DYNC2I1: variants seen among roughly 807,000 people sequenced by gnomAD.
DYNC2I1 encodes the protein cytoplasmic dynein 2 intermediate chain 1.
A neutral mutation model predicts 133.4 loss-of-function variants in DYNC2I1; 89 were observed. The observed-to-expected ratio is 0.67, with a 90% CI of 0.56 to 0.80. The LOEUF (loss-of-function observed/expected upper bound fraction) is 0.80, where lower values mean the gene tolerates loss of function less well. DYNC2I1 is among the 30% of genes least tolerant of loss of function. The probability of loss-of-function intolerance (pLI) is 0.00; values close to 1 mark genes in which losing one functional copy is unlikely to be tolerated. For synonymous variants in DYNC2I1, 504 were observed against 484.3 expected (o/e 1.04, Z -0.54); for missense variants, 1,291 against 1,314.5 (o/e 0.98, Z 0.28).
rs145684517 is a variant in DYNC2I1 at position 158,937,352 on chromosome 7, C to T, written c.2778+2803C>T. 9.9e-3 allele frequency among the ~76,000 whole-genome samples: 1,506 copies of T among 152,252 alleles called. 29 individuals carry two copies. Among genetic ancestry groups the T allele is most frequent in the African/African-American group, 0.034 (1,405 of 41,548 alleles). Reference sequence around the variant, plus strand: ...TAGAAAATACACAATCAATGCTGGGCGCGGTGGCTCACGCCTATAATCCCA... The same window carrying T: ...TAGAAAATACACAATCAATGCTGGGTGCGGTGGCTCACGCCTATAATCCCA... On this transcript the variant is annotated intron_variant, in intron 23 of 24. Coordinates refer to ENST00000407559, the MANE Select transcript of DYNC2I1 (RefSeq NM_018051.5).
chr7:158,891,586 A>G (rs1399855324), intron 8 of DYNC2I1, among the ~76,000 whole-genome samples: 1 of 152,272 alleles, frequency 6.6e-6, no homozygotes, highest in Admixed American at 6.5e-5. Flanking sequence ...GCACACCGTC[A>G]GGTACTTGAG....
Position 158,873,943 on chromosome 7 carries a change from C to T in DYNC2I1, c.490+2381C>T, listed in dbSNP as rs373019161. Among the ~76,000 whole-genome samples, 187 of 152,060 alleles carry T rather than the reference C, an allele frequency of 1.2e-3. 7 individuals carry two copies. The South Asian group carries it at 0.035, about 29-fold the overall frequency. On this transcript the variant is annotated intron_variant, in intron 3 of 24. Transcript: ENST00000407559. ...GGCTAATTTTTTGTATTTTTAGCAG[C>T]GACGGGGGTTTCACCATGTTGGCCA...
At chr7:158,913,370 G>A (rs781236086) in intron 13 of DYNC2I1, among the ~76,000 whole-genome samples, 23 of 152,188 alleles carry the variant, frequency 1.5e-4, no homozygotes, top group Non-Finnish European at 3.2e-4. Context: ...TGTAGAGGGA[G>A]AGATTCCACA....
rs997119231 is a variant in DYNC2I1, at chr7:158,880,098, A to G, written c.879+109A>G. On this transcript the variant is annotated intron_variant, in intron 5 of 24. Transcript: ENST00000407559. ...ACAAGGTTGAGATTTGTGGCCTAGT[A>G]GTAGTAATTTAGGAAAAACGCAACT... is the stretch of plus-strand genomic sequence containing the variant. 5.3e-6 allele frequency: 7 copies of G among 1,308,992 alleles called. No individual in the cohort carries two copies. The African/African-American group carries it at 7.5e-5, about 14-fold the overall frequency. 81.1% of individuals were successfully genotyped at this position (1,308,992 alleles called of 1,614,324 possible).
At chr7:158,867,884 C>A (rs751058649) in intron 1 of DYNC2I1, among the ~76,000 whole-genome samples, 1 of 152,132 alleles carries the variant, frequency 6.6e-6, no homozygotes, top group Non-Finnish European at 1.5e-5. Context: ...GCCTCCACCC[C>A]GTCCTCCTCA....
chr7:158,852,746 AT>A (rs1454214579), upstream of DYNC2I1, among the ~76,000 whole-genome samples: 9 of 152,334 alleles, frequency 5.9e-5, no homozygotes, highest in African/African-American at 1.9e-4. Flanking sequence ...TCTCAAAAAA[AT>A]AAAAATAAAA....
At chr7:158,844,253 T>C in the DYNC2I1 span, among the ~76,000 whole-genome samples, 1 of 152,200 alleles carries the variant, frequency 6.6e-6, no homozygotes, top group Non-Finnish European at 1.5e-5. Flanking sequence ...GGAATACTTG[T>C]CTTAACGTTT....
intron 8 of DYNC2I1, among the ~76,000 whole-genome samples, chr7:158,894,723 G>T (rs2065779938): frequency 6.6e-6 from 1 of 152,214 alleles, no homozygotes; most frequent in Non-Finnish European, 1.5e-5. Context: ...TGTGATTGCT[G>T]GATCATATGA....
intron 1 of DYNC2I1, among the ~76,000 whole-genome samples, chr7:158,865,128 TG>T (rs1023501372): frequency 6.6e-6 from 1 of 152,222 alleles, no homozygotes; most frequent in African/African-American, 2.4e-5. Flanking sequence ...GCTTTCCATC[TG>T]GGCTGTGAGT....
At chr7:158,883,686 C>T (rs112669448) in intron 5 of DYNC2I1, among the ~76,000 whole-genome samples, 17,384 of 110,104 alleles carry the variant, frequency 0.16, 1,469 homozygotes, top group Middle Eastern at 0.29. Flanking sequence ...TTTTTTGAGA[C>T]GGAGTCTTGC....
At position 158,913,446 on chromosome 7, in the gene DYNC2I1, A is replaced by T. The variant is rs569189685; in HGVS notation, c.1702+350A>T. ...TGTGTTTTTAACTTAGGGGAAGCCTATTCTCATGAATATAGAATTTTTATG... is the reference window on the plus strand; with the variant it reads ...TGTGTTTTTAACTTAGGGGAAGCCTTTTCTCATGAATATAGAATTTTTATG... On this transcript the variant is annotated intron_variant, in intron 13 of 24. Coordinates refer to ENST00000407559, the MANE Select transcript of DYNC2I1 (RefSeq NM_018051.5). Among the ~76,000 whole-genome samples the T allele has an allele frequency of 2.6e-5, 4 of 152,322 alleles. No individual in the cohort carries two copies. The South Asian group carries it at 6.2e-4, about 24-fold the overall frequency.
chr7:158,888,808 C>T (rs10264123), intron 7 of DYNC2I1, among the ~76,000 whole-genome samples: 3,338 of 152,170 alleles, frequency 0.022, 112 homozygotes, highest in African/African-American at 0.073. Flanking sequence ...ATTCTATGTC[C>T]GTACACAAAC....
the DYNC2I1 span, among the ~76,000 whole-genome samples, chr7:158,845,038 T>C: frequency 6.6e-6 from 1 of 152,176 alleles, no homozygotes; most frequent in African/African-American, 2.4e-5. Context: ...GCCAAGGGCA[T>C]TCCAAAGTTA....
intron 9 of DYNC2I1, 39 bp downstream of exon 9, chr7:158,901,855 C>A (rs1457173525): frequency 7.1e-7 from 1 of 1,405,708 alleles, no homozygotes; most frequent in Admixed American, 2.5e-5. Flanking sequence ...GCTTAAAAAT[C>A]ATTTATTCTT....
At chr7:158,924,105 T>C (rs1325332252) in intron 17 of DYNC2I1, among the ~76,000 whole-genome samples, 3 of 152,174 alleles carry the variant, frequency 2.0e-5, no homozygotes, top group Non-Finnish European at 4.4e-5. Flanking sequence ...ACCAGCACAA[T>C]TGGGCCTCCC....
At chr7:158,866,653 G>A (rs1842432740) in intron 1 of DYNC2I1, among the ~76,000 whole-genome samples, 1 of 152,124 alleles carries the variant, frequency 6.6e-6, no homozygotes, top group Admixed American at 6.6e-5. Context: ...GGGAGGCCGA[G>A]GTGGGGGGCT....
At chr7:158,860,531 T>C (rs987981782) in intron 1 of DYNC2I1, among the ~76,000 whole-genome samples, 4 of 152,236 alleles carry the variant, frequency 2.6e-5, no homozygotes, top group African/African-American at 9.6e-5. Context: ...ATGGTACCTT[T>C]GCAGGCTTTA....
At chr7:158,920,669 A>C (rs1848980549) in intron 15 of DYNC2I1, among the ~76,000 whole-genome samples, 1 of 152,218 alleles carries the variant, frequency 6.6e-6, no homozygotes, top group Admixed American at 6.5e-5. Flanking sequence ...CCACATGTTC[A>C]AGGAGTGGAG....
chr7:158,894,132 A>ACTGCATATCATACTGCATATCC (rs1554455812), intron 8 of DYNC2I1, among the ~76,000 whole-genome samples: 151 of 151,072 alleles, frequency 1.0e-3, no homozygotes, highest in Admixed American at 3.4e-3. Context: ...ACCGCATATC[A>ACTGCATATCATACTGCATATCC]TACCGCATAT....
Sources: gnomAD v4.1 joint callset for allele counts (sites outside exome capture counted in the v4.1 genomes callset) on GRCh38, gnomAD v4.1.1 for gene constraint, MANE v1.5 for transcripts, NCBI Gene and HGNC (gene_info 2026-07-23, HGNC 2026-07-21) for gene names.